CNTN5: variants seen among roughly 807,000 people sequenced by gnomAD.
CNTN5 encodes the protein contactin 5.
Under a neutral mutation model 129.1 loss-of-function variants are expected in CNTN5, and 77 were observed. The ratio of observed to expected loss-of-function variants is 0.60; its 90% CI spans 0.50 to 0.72. CNTN5 has a LOEUF of 0.72. CNTN5 is among the 30% of genes least tolerant of loss of function. The probability of loss-of-function intolerance (pLI) is 0.00; values close to 1 mark genes in which losing one functional copy is unlikely to be tolerated. For missense variants in CNTN5, 1,478 were observed against 1,328.8 expected (o/e 1.11, Z -1.75); for synonymous variants, 509 against 465.6 (o/e 1.09, Z -1.20).
At chr11:99,420,024 G>T (rs1372131629) in intron 2 of CNTN5, among the ~76,000 whole-genome samples, 1 of 152,122 alleles carries the variant, frequency 6.6e-6, no homozygotes, top group African/African-American at 2.4e-5. Flanking sequence ...TAGGAGAAGT[G>T]CTATAGTCAA....
At chr11:99,450,953 T>C (rs1046182725) in intron 2 of CNTN5, among the ~76,000 whole-genome samples, 2 of 152,034 alleles carry the variant, frequency 1.3e-5, no homozygotes, top group Non-Finnish European at 2.9e-5. Context: ...ATGTACTCAA[T>C]GGAGCAAAGA....
intron 13 of CNTN5, among the ~76,000 whole-genome samples, chr11:100,128,114 C>T (rs927460851): frequency 6.6e-6 from 1 of 152,140 alleles, no homozygotes; most frequent in Non-Finnish European, 1.5e-5. Flanking sequence ...AATATCTCCT[C>T]TTAGCCCCAA....
chr11:99,602,643 T>A (rs117524849), intron 3 of CNTN5, among the ~76,000 whole-genome samples: 1 of 151,632 alleles, frequency 6.6e-6, no homozygotes, highest in African/African-American at 2.4e-5. Context: ...GGGAGGAGTT[T>A]GTGCAATGTA....
intron 7 of CNTN5, among the ~76,000 whole-genome samples, chr11:99,946,084 T>A (rs1211839386): frequency 6.6e-6 from 1 of 152,158 alleles, no homozygotes; most frequent in Admixed American, 6.6e-5. Context: ...CACCAATCAG[T>A]ATCTCTCGAT....
At chr11:99,508,239 T>G (rs1000804933) in intron 2 of CNTN5, among the ~76,000 whole-genome samples, 10 of 152,196 alleles carry the variant, frequency 6.6e-5, no homozygotes, top group African/African-American at 2.4e-4. Flanking sequence ...CTCATAAGCT[T>G]TCTGAGTAAT....
chr11:99,524,508 A>G (rs138281187), intron 2 of CNTN5, among the ~76,000 whole-genome samples: 37 of 152,246 alleles, frequency 2.4e-4, no homozygotes, highest in African/African-American at 8.7e-4. Flanking sequence ...ACGTGTGTCA[A>G]TGAAATATAT....
intron 15 of CNTN5, among the ~76,000 whole-genome samples, chr11:100,218,252 G>A (rs1195854362): frequency 1.3e-5 from 2 of 152,130 alleles, no homozygotes; most frequent in Admixed American, 1.3e-4. Context: ...TCTAACACAA[G>A]CCTTAAGAAG....
At chr11:99,601,784 G>A (rs866356303) in intron 3 of CNTN5, among the ~76,000 whole-genome samples, 12 of 152,072 alleles carry the variant, frequency 7.9e-5, no homozygotes, top group African/African-American at 2.7e-4. Context: ...CCTGCTTTCT[G>A]AGCCAGCCAC....
intron 1 of CNTN5, among the ~76,000 whole-genome samples, chr11:99,031,759 T>A (rs1467191916): frequency 6.6e-6 from 1 of 151,966 alleles, no homozygotes; most frequent in Non-Finnish European, 1.5e-5. Context: ...GCTTAGTTTT[T>A]CTTTCTTTTT....
chr11:99,053,900 T>C (rs6589868), intron 1 of CNTN5, among the ~76,000 whole-genome samples: 49,926 of 151,688 alleles, frequency 0.33, 9,459 homozygotes, highest in East Asian at 0.56. Flanking sequence ...ACTTCCTCAT[T>C]CCCTCCAAAA....
intron 21 of CNTN5, among the ~76,000 whole-genome samples, chr11:100,325,676 C>T (rs1371344546): frequency 3.9e-5 from 6 of 152,168 alleles, no homozygotes; most frequent in African/African-American, 9.6e-5. Flanking sequence ...TTTGAAAATA[C>T]GAGTAGAGGC....
At chr11:99,104,960 G>C (rs894147129) in intron 1 of CNTN5, among the ~76,000 whole-genome samples, 6 of 152,166 alleles carry the variant, frequency 3.9e-5, no homozygotes, top group African/African-American at 1.4e-4. Flanking sequence ...TGGTGAGGAA[G>C]TGGTAAAATT....
intron 1 of CNTN5, among the ~76,000 whole-genome samples, chr11:99,239,211 A>C (rs1178077557): frequency 6.6e-6 from 1 of 152,216 alleles, no homozygotes; most frequent in Admixed American, 6.5e-5. Context: ...AATGGAGCTG[A>C]AAAAGTATAA....
At chr11:99,645,262 C>CAAAAAAA (rs71050011) in intron 3 of CNTN5, among the ~76,000 whole-genome samples, 27 of 47,464 alleles carry the variant, frequency 5.7e-4, no homozygotes, top group East Asian at 2.0e-3. Context: ...TCCATCTCAA[C>CAAAAAAA]AAAAAAAAAA....
At chr11:99,735,077 A>C (rs749134559) in intron 3 of CNTN5, among the ~76,000 whole-genome samples, 1 of 152,198 alleles carries the variant, frequency 6.6e-6, no homozygotes, top group African/African-American at 2.4e-5. Flanking sequence ...AGAAGTCAAC[A>C]TCTTAGGTTC....
At chr11:99,281,541 T>C (rs1418584938) in intron 1 of CNTN5, among the ~76,000 whole-genome samples, 2 of 151,948 alleles carry the variant, frequency 1.3e-5, no homozygotes, top group African/African-American at 2.4e-5. Context: ...TGGGAATAAG[T>C]GCATCCTTAA....
At chr11:99,046,054 T>A (rs937376479) in intron 1 of CNTN5, among the ~76,000 whole-genome samples, 1 of 151,872 alleles carries the variant, frequency 6.6e-6, no homozygotes, top group Admixed American at 6.6e-5. Flanking sequence ...GTCTAAGGAG[T>A]GAGACCTGGT....
intron 1 of CNTN5, among the ~76,000 whole-genome samples, chr11:99,129,153 G>A (rs368504041): frequency 1.7e-4 from 26 of 152,196 alleles, no homozygotes; most frequent in Middle Eastern, 3.4e-3. Flanking sequence ...AATAAACTTC[G>A]CTGAACTAAA....
At chr11:99,912,346 G>A (rs1482821190) in intron 6 of CNTN5, among the ~76,000 whole-genome samples, 1 of 151,972 alleles carries the variant, frequency 6.6e-6, no homozygotes, top group Non-Finnish European at 1.5e-5. Context: ...GACAAGCTGA[G>A]CTTTGAGGAT....
Sources: allele counts gnomAD v4.1 joint callset (sites outside exome capture counted in the v4.1 genomes callset), GRCh38; gene constraint gnomAD v4.1.1; transcripts MANE v1.5; gene names NCBI Gene and HGNC (gene_info 2026-07-23, HGNC 2026-07-21).